Variants in RTL4 observed in about 807,000 individuals in gnomAD.
RTL4 encodes the protein retrotransposon Gag-like protein 4.
A neutral mutation model predicts 5.3 loss-of-function variants in RTL4; 4 were observed. That is an observed-to-expected ratio of 0.75 (90% CI 0.37 to 1.72). The LOEUF (loss-of-function observed/expected upper bound fraction) is 1.72. RTL4 is among the 40% of genes most tolerant of loss of function. The pLI, the probability that RTL4 is intolerant of heterozygous loss-of-function variation, is 0.04. For synonymous variants in RTL4, 98 were observed against 87.3 expected (o/e 1.12, Z -0.68); for missense variants, 260 against 227.1 (o/e 1.14, Z -0.93).
the RTL4 span, among the ~76,000 whole-genome samples, chrX:112,364,512 C>G: frequency 8.9e-6 from 1 of 111,766 alleles, no homozygotes; most frequent in Admixed American, 9.5e-5. Flanking sequence ...CATTTCAATA[C>G]AACATCTCAC....
chrX:112,359,451 T>G, the RTL4 span, among the ~76,000 whole-genome samples: 1 of 111,588 alleles, frequency 9.0e-6, no homozygotes, highest in Non-Finnish European at 1.9e-5. Context: ...TTCAGAAATG[T>G]TTTATTTTTT....
At chrX:112,159,648 A>C in the RTL4 span, among the ~76,000 whole-genome samples, 1 of 111,737 alleles carries the variant, frequency 8.9e-6, no homozygotes, top group African/African-American at 3.2e-5. Flanking sequence ...TTATTACTTT[A>C]TTCTTCTTTA....
At chrX:112,241,269 C>A in the RTL4 span, among the ~76,000 whole-genome samples, 1 of 111,681 alleles carries the variant, frequency 9.0e-6, no homozygotes, top group African/African-American at 3.3e-5. Flanking sequence ...AATTGCCACA[C>A]TGTCTCCCAC....
chrX:112,236,132 T>C, the RTL4 span, among the ~76,000 whole-genome samples: 1,161 of 109,460 alleles, frequency 0.011, 12 homozygotes, highest in African/African-American at 0.035. Flanking sequence ...TAAATAAACA[T>C]AGAAGCTCAC....
At chrX:112,336,356 T>C in the RTL4 span, among the ~76,000 whole-genome samples, 7 of 111,933 alleles carry the variant, frequency 6.3e-5, no homozygotes, top group Non-Finnish European at 1.3e-4. Context: ...GTTTTCCTTT[T>C]ATTTTTAATA....
chrX:112,374,756 C>A, the RTL4 span, among the ~76,000 whole-genome samples: 1 of 111,957 alleles, frequency 8.9e-6, no homozygotes, highest in Non-Finnish European at 1.9e-5. Flanking sequence ...TCCCATCTCT[C>A]TCTTCCTTCA....
At chrX:112,449,637 T>C (rs1315640595), upstream of RTL4, among the ~76,000 whole-genome samples, 1 of 111,601 alleles carries the variant, frequency 9.0e-6, no homozygotes, top group Non-Finnish European at 1.9e-5. Context: ...GGGATTCTGA[T>C]GTACCCTGAA....
the RTL4 span, among the ~76,000 whole-genome samples, chrX:112,377,291 A>T: frequency 8.9e-6 from 1 of 111,988 alleles, no homozygotes; most frequent in Non-Finnish European, 1.9e-5. Flanking sequence ...AAATATTGTC[A>T]GTCAAAAATG....
At chrX:112,214,389 C>T in the RTL4 span, among the ~76,000 whole-genome samples, 1 of 112,041 alleles carries the variant, frequency 8.9e-6, no homozygotes, top group African/African-American at 3.2e-5. Flanking sequence ...ATTCATATTC[C>T]ACATTTTATT....
chrX:112,223,934 A>G, the RTL4 span, among the ~76,000 whole-genome samples: 5 of 112,076 alleles, frequency 4.5e-5, no homozygotes, highest in South Asian at 1.9e-3. Context: ...TGATTCCTGG[A>G]AACCACGATC....
the RTL4 span, among the ~76,000 whole-genome samples, chrX:112,400,053 G>T: frequency 5.7e-3 from 624 of 110,259 alleles, 5 homozygotes; most frequent in African/African-American, 0.019. Flanking sequence ...CAGTTGCTTT[G>T]GTATAATTTT....
At chrX:112,329,505 T>G in the RTL4 span, among the ~76,000 whole-genome samples, 2 of 109,623 alleles carry the variant, frequency 1.8e-5, no homozygotes, top group African/African-American at 6.6e-5. Context: ...TCTGAAATTG[T>G]GGCAATAATC....
At chrX:112,250,278 C>CA in the RTL4 span, among the ~76,000 whole-genome samples, 988 of 68,173 alleles carry the variant, frequency 0.014, 7 homozygotes, top group African/African-American at 0.046. Flanking sequence ...GACTCTGTCT[C>CA]AAAAAAAAAA....
chrX:112,318,668 C>T, the RTL4 span, among the ~76,000 whole-genome samples: 1 of 111,546 alleles, frequency 9.0e-6, no homozygotes, highest in South Asian at 3.8e-4. Context: ...CATGGCTTCC[C>T]ATTTAGTAGC....
At chrX:112,121,171 C>T in the RTL4 span, among the ~76,000 whole-genome samples, 1 of 111,550 alleles carries the variant, frequency 9.0e-6, no homozygotes, top group Non-Finnish European at 1.9e-5. Flanking sequence ...GTATTTATTC[C>T]CAAAGTTAAG....
At chrX:112,333,850 T>G in the RTL4 span, among the ~76,000 whole-genome samples, 4 of 111,522 alleles carry the variant, frequency 3.6e-5, no homozygotes. Context: ...TAAGTTATTA[T>G]TGGCTATAGT....
chrX:112,276,482 T>A, the RTL4 span, among the ~76,000 whole-genome samples: 1 of 112,197 alleles, frequency 8.9e-6, no homozygotes, highest in South Asian at 3.7e-4. Flanking sequence ...CTCTAAATAG[T>A]CTGCAATAAG....
chrX:112,314,562 C>A, the RTL4 span, among the ~76,000 whole-genome samples: 4 of 85,721 alleles, frequency 4.7e-5, no homozygotes, highest in African/African-American at 1.8e-4. Context: ...AAATGATAAG[C>A]CATGGTTTCT....
At chrX:112,378,007 G>A in the RTL4 span, among the ~76,000 whole-genome samples, 31 of 111,604 alleles carry the variant, frequency 2.8e-4, no homozygotes, top group Non-Finnish European at 4.9e-4. Context: ...AAGATTCTAA[G>A]AGATCCTAGA....
Sources: gnomAD v4.1 joint callset for allele counts (sites outside exome capture counted in the v4.1 genomes callset) on GRCh38, gnomAD v4.1.1 for gene constraint, MANE v1.5 for transcripts, NCBI Gene and HGNC (gene_info 2026-07-23, HGNC 2026-07-21) for gene names.